PCDH9: variants seen among roughly 807,000 people sequenced by gnomAD.
The protein encoded by PCDH9 is protocadherin-9.
Under a neutral mutation model 70.6 loss-of-function variants are expected in PCDH9, and 24 were observed. The ratio of observed to expected loss-of-function variants is 0.34; its 90% CI spans 0.25 to 0.48. PCDH9 has a LOEUF of 0.48. PCDH9 is among the 20% of genes least tolerant of loss of function. PCDH9 has a pLI of 0.99. For synonymous variants in PCDH9, 562 were observed against 558.5 expected (o/e 1.01, Z -0.09); for missense variants, 1,281 against 1,503.6 (o/e 0.85, Z 2.45).
chr13:66,842,856 T>C (rs1205047760), intron 3 of PCDH9, among the ~76,000 whole-genome samples: 1 of 152,176 alleles, frequency 6.6e-6, no homozygotes, highest in African/African-American at 2.4e-5. Flanking sequence ...TAGTGTGAGA[T>C]GTCTCTCTAA....
intron 2 of PCDH9, among the ~76,000 whole-genome samples, chr13:67,075,511 T>C (rs368840737): frequency 1.3e-5 from 2 of 152,256 alleles, no homozygotes; most frequent in African/African-American, 2.4e-5. Context: ...TAATTCATTC[T>C]TCCTGGAGGG....
At position 67,067,707 on chromosome 13, in the gene PCDH9, G is replaced by T. The variant is rs1034252466; in HGVS notation, c.3036+157698C>A. Among the ~76,000 whole-genome samples, 3 of 148,314 alleles carry T rather than the reference G, an allele frequency of 2.0e-5. No individual in the cohort carries two copies. The Admixed American group carries it at 2.0e-4, about 10-fold the overall frequency. ...ACAGAATGCCTGACAGCGGCGAAGT[G>T]GTCTTCGTAAGTCACTGATATAAGT... On this transcript the variant is annotated intron_variant, in intron 2 of 4. Coordinates refer to ENST00000377865, the MANE Select transcript of PCDH9 (RefSeq NM_203487.3).
Position 67,003,972 on chromosome 13 carries a change from C to T in PCDH9, c.3037-100367G>A, listed in dbSNP as rs1451106805. 2.0e-5 allele frequency among the ~76,000 whole-genome samples: 3 copies of T among 152,074 alleles called. No homozygotes were observed. In the East Asian group the frequency reaches 5.8e-4, roughly 29 times the overall value. On this transcript the variant is annotated intron_variant, in intron 2 of 4. Coordinates refer to ENST00000377865, the MANE Select transcript of PCDH9 (RefSeq NM_203487.3). ...TGCAGGGGAAATGTAACAGACCTGA[C>T]CGAGCCTCTGATAAATCTTCTCTAT...
chr13:66,437,270 G>A (rs1318356243), intron 4 of PCDH9, among the ~76,000 whole-genome samples: 5 of 151,548 alleles, frequency 3.3e-5, no homozygotes, highest in Non-Finnish European at 5.9e-5. Flanking sequence ...AGCCGGGCGT[G>A]GTGGCGGGCG....
In PCDH9 at chr13:66,303,039, T is replaced by G. The variant is rs984262043; in HGVS notation, c.*1616A>C. ...ACTGTGGAAAAATGTGAACTGCTAT[T>G]TACAAAGTAATTTTATTTTTTGGTA... On this transcript the variant is annotated 3_prime_UTR_variant, in exon 5 of 5. Transcript: ENST00000377865. 1 of 152,532 alleles carries G rather than the reference T, an allele frequency of 6.6e-6. No individual in the cohort carries two copies. Among genetic ancestry groups the G allele is most frequent in the African/African-American group, 2.4e-5 (1 of 41,450 alleles). The allele number at this position is 152,532 out of a possible 1,614,324, so 9.4% of individuals were successfully genotyped here.
intron 2 of PCDH9, chr13:67,219,533 A>G (rs1338252816): frequency 6.6e-6 from 1 of 151,992 alleles, no homozygotes; most frequent in Non-Finnish European, 1.5e-5. Context: ...CAAAGTCTAT[A>G]AGACATTAGC....
chr13:66,939,424 ATGTGTG>A (rs57997772), intron 2 of PCDH9, among the ~76,000 whole-genome samples: 16,106 of 148,052 alleles, frequency 0.11, 1,048 homozygotes, highest in Admixed American at 0.16. Flanking sequence ...TTTAAAATAT[ATGTGTG>A]TGTGTGTGTG....
chr13:67,106,552 A>G lies in PCDH9; in HGVS notation c.3036+118853T>C, dbSNP rs117401484. Among the ~76,000 whole-genome samples the G allele has an allele frequency of 7.3e-3, 1,119 of 152,356 alleles. 13 individuals are homozygous for G. Among genetic ancestry groups the G allele is most frequent in the Non-Finnish European group, 0.012 (797 of 68,022 alleles). On this transcript the variant is annotated intron_variant, in intron 2 of 4. Transcript: ENST00000377865. ...ATTTTAATATGGTATCAATGACAGC[A>G]GCAGCCCATCTGGAGCAGCCACTGC...
chr13:66,780,295 A>G (rs2079977765), intron 3 of PCDH9, among the ~76,000 whole-genome samples: 1 of 152,142 alleles, frequency 6.6e-6, no homozygotes, highest in South Asian at 2.1e-4. Context: ...GCCTAATTTT[A>G]TTTTTTAAAA....
At chr13:66,357,471 A>G (rs1012750127) in intron 4 of PCDH9, among the ~76,000 whole-genome samples, 30 of 152,208 alleles carry the variant, frequency 2.0e-4, no homozygotes, top group African/African-American at 6.0e-4. Context: ...AATAGCCACA[A>G]TGAATGAGAC....
intron 3 of PCDH9, among the ~76,000 whole-genome samples, chr13:66,736,948 T>C (rs2079158816): frequency 6.6e-6 from 1 of 152,168 alleles, no homozygotes; most frequent in African/African-American, 2.4e-5. Context: ...CGCAGGATCA[T>C]TTGTCTTACT....
intron 4 of PCDH9, among the ~76,000 whole-genome samples, chr13:66,334,951 C>G (rs1956011301): frequency 6.6e-6 from 1 of 151,960 alleles, no homozygotes; most frequent in Non-Finnish European, 1.5e-5. Flanking sequence ...TTTACTCCCC[C>G]AAAATAGGTA....
At chr13:66,921,872 T>G (rs144257344) in intron 2 of PCDH9, among the ~76,000 whole-genome samples, 8 of 151,486 alleles carry the variant, frequency 5.3e-5, no homozygotes, top group Non-Finnish European at 1.0e-4. Context: ...TAAACTGTCC[T>G]GAAATGTATT....
intron 4 of PCDH9, among the ~76,000 whole-genome samples, chr13:66,364,158 A>G (rs1243903927): frequency 6.6e-6 from 1 of 152,146 alleles, no homozygotes; most frequent in Non-Finnish European, 1.5e-5. Flanking sequence ...TCAATGTCCA[A>G]AAAAACAAAC....
intron 2 of PCDH9, among the ~76,000 whole-genome samples, chr13:67,130,798 C>T (rs1385697881): frequency 6.6e-6 from 1 of 152,048 alleles, no homozygotes; most frequent in Non-Finnish European, 1.5e-5. Flanking sequence ...CTATAAGTAC[C>T]CCTAGCCTGT....
intron 3 of PCDH9, among the ~76,000 whole-genome samples, chr13:66,845,302 G>C (rs1458789680): frequency 6.6e-6 from 1 of 152,198 alleles, no homozygotes; most frequent in African/African-American, 2.4e-5. Context: ...AGTCCAGAGG[G>C]GGCTGAGGCA....
chr13:66,363,052 G>A (rs181505496), intron 4 of PCDH9, among the ~76,000 whole-genome samples: 38 of 152,134 alleles, frequency 2.5e-4, no homozygotes, highest in African/African-American at 8.9e-4. Flanking sequence ...GGTGGCACAC[G>A]CCTGTAATCT....
chr13:66,585,397 G>C (rs985853229), intron 4 of PCDH9, among the ~76,000 whole-genome samples: 9 of 151,896 alleles, frequency 5.9e-5, no homozygotes, highest in African/African-American at 2.2e-4. Context: ...TTAATGTAAA[G>C]GTATATCTCC....
chr13:67,041,478 T>C (rs1713623924), intron 2 of PCDH9, among the ~76,000 whole-genome samples: 1 of 152,164 alleles, frequency 6.6e-6, no homozygotes, highest in Non-Finnish European at 1.5e-5. Flanking sequence ...GTAAAAATTT[T>C]ACTAACTTTT....
Sources: allele counts gnomAD v4.1 joint callset (sites outside exome capture counted in the v4.1 genomes callset), GRCh38; gene constraint gnomAD v4.1.1; transcripts MANE v1.5; gene names NCBI Gene and HGNC (gene_info 2026-07-23, HGNC 2026-07-21).